The following NAP1L4 variants were observed in gnomAD, a reference collection of about 807,000 sequenced individuals.
The protein encoded by NAP1L4 is nucleosome assembly protein 1-like 4.
In NAP1L4, 15 loss-of-function variants were observed where a neutral mutation model predicts 58.2. That is an observed-to-expected ratio of 0.26 (90% CI 0.17 to 0.40). The LOEUF is 0.40. Ranked by LOEUF, NAP1L4 falls within the 10% of genes least tolerant of loss-of-function variation. NAP1L4 has a pLI of 1.00. For missense variants in NAP1L4, 384 were observed against 451.1 expected (o/e 0.85, Z 1.35); for synonymous variants, 171 against 155.6 (o/e 1.10, Z -0.74).
At chr11:2,978,142 G>A in intron 3 of NAP1L4, 142 bp downstream of exon 3, 2 of 701,790 alleles carry the variant, frequency 2.8e-6, no homozygotes, top group Non-Finnish European at 4.7e-6. Flanking sequence ...TTGTTAATGA[G>A]ATACTGATTT....
chr11:2,977,928 G>C (rs1325626264), intron 3 of NAP1L4, among the ~76,000 whole-genome samples: 1 of 151,054 alleles, frequency 6.6e-6, no homozygotes, highest in East Asian at 1.9e-4. Flanking sequence ...AACTACCTGG[G>C]AGGCTGCGGC....
Position 2,979,262 on chromosome 11 carries a change from A to G in NAP1L4, c.-17-25T>C, listed in dbSNP as rs187902976. The G allele has an allele frequency of 1.2e-4, 189 of 1,572,278 alleles. No homozygotes were observed. The African/African-American group carries it at 2.3e-3, about 19-fold the overall frequency. On this transcript the variant is annotated intron_variant, in intron 1 of 15. Transcript: ENST00000380542. Reference sequence around the variant, plus strand: ...CCTATAAATTAAAAAGAGTTGTAATAATTATATTCATAAGCAAAAATGTTT... The same window carrying G: ...CCTATAAATTAAAAAGAGTTGTAATGATTATATTCATAAGCAAAAATGTTT...
intron 1 of NAP1L4, among the ~76,000 whole-genome samples, chr11:2,980,256 TGGCTCACTGCA>T (rs1848226908): frequency 6.6e-6 from 1 of 152,202 alleles, no homozygotes; most frequent in Non-Finnish European, 1.5e-5. Context: ...GATGCAATCC[TGGCTCACTGCA>T]GCCTCAACTT....
intron 4 of NAP1L4, 21 bp from the exon 5 acceptor site, chr11:2,972,264 T>G: frequency 6.3e-7 from 1 of 1,584,258 alleles, no homozygotes; most frequent in Non-Finnish European, 8.5e-7. Context: ...GAGTAAGAAA[T>G]ACAACATCCT....
intron 1 of NAP1L4, among the ~76,000 whole-genome samples, chr11:2,981,316 A>G (rs1055862699): frequency 5.3e-5 from 8 of 150,910 alleles, no homozygotes; most frequent in Middle Eastern, 3.4e-3. Flanking sequence ...AGGCTGAGAC[A>G]GAAGCAACAC....
At position 2,947,497 on chromosome 11, in the gene NAP1L4, C is replaced by G. The variant is rs547168814; in HGVS notation, c.*32+1730G>C. 5.3e-5 allele frequency among the ~76,000 whole-genome samples: 8 copies of G among 152,296 alleles called. 1 individual carries two copies. Among genetic ancestry groups the G allele is most frequent in the African/African-American group, 1.9e-4 (8 of 41,554 alleles). On this transcript the variant is annotated intron_variant, in intron 15 of 15. Transcript: ENST00000380542. ...GGGAAGGAAGGCAGCATGTGGCCCACCCCTGCCAGGCTTTGGTGCTCACAC... is the reference window on the plus strand; with the variant it reads ...GGGAAGGAAGGCAGCATGTGGCCCAGCCCTGCCAGGCTTTGGTGCTCACAC...
At chr11:2,992,154 G>T in intron 1 of NAP1L4, 100 bp downstream of exon 1, 1 of 151,252 alleles carries the variant, frequency 6.6e-6, no homozygotes, top group Non-Finnish European at 1.5e-5. Context: ...AGAGATGGCC[G>T]CCGCCGCGCC....
Position 2,955,614 on chromosome 11 carries a change from A to T in NAP1L4, c.915+130T>A, listed in dbSNP as rs1846492567. 8 of 869,840 alleles carry T rather than the reference A, an allele frequency of 9.2e-6. No individual in the cohort carries two copies. The highest frequency in any genetic ancestry group is 3.6e-6 in the Non-Finnish European group (2 of 553,742). 53.9% of individuals were successfully genotyped at this position (869,840 alleles called of 1,614,324 possible). A position where few individuals can be genotyped will look rare whatever the true frequency, so the allele number is the denominator to read the frequency against. On this transcript the variant is annotated intron_variant, in intron 11 of 15. Coordinates refer to ENST00000380542, the MANE Select transcript of NAP1L4 (RefSeq NM_005969.4). This position sits in a 1 kb window ranked among gnomAD's most constrained non-coding sequence, Gnocchi z 4.2. ...CAGTCCTCCCACCTCAGCCTCCCAA[A>T]GCATTAAGATCACTGGCATACCCAG... is the stretch of plus-strand genomic sequence containing the variant.
In NAP1L4 at chr11:2,951,543, A is replaced by C. The variant is rs1286181108; in HGVS notation, c.1066-228T>G. Among the ~76,000 whole-genome samples the C allele has an allele frequency of 6.6e-6, 1 of 152,242 alleles. No individual in the cohort carries two copies. ...AATTCTGAAAAAGTAGATTTTGTTA[A>C]ATGATTATTTTCTAAGATACATTTT... On this transcript the variant is annotated intron_variant, in intron 13 of 15. Coordinates refer to ENST00000380542, the MANE Select transcript of NAP1L4 (RefSeq NM_005969.4). This position sits in a 1 kb window ranked among gnomAD's most constrained non-coding sequence, Gnocchi z 4.0.
At chr11:2,950,755 C>T (rs1236009210) in intron 14 of NAP1L4, among the ~76,000 whole-genome samples, 1 of 152,134 alleles carries the variant, frequency 6.6e-6, no homozygotes, top group African/African-American at 2.4e-5. Flanking sequence ...CTTTAGTAAA[C>T]CTTTCCAATT....
rs757286789 is a variant in NAP1L4 at position 2,951,768 on chromosome 11, C to A, written c.1065+12G>T. The A allele has an allele frequency of 4.3e-6, 7 of 1,613,768 alleles. No homozygotes were observed. In the East Asian group the frequency reaches 1.6e-4, roughly 36 times the overall value. On this transcript the variant is annotated intron_variant, in intron 13 of 15. Transcript: ENST00000380542. The surrounding 1 kb of genome is among the most constrained non-coding windows in gnomAD (Gnocchi z 4.0). ...AGGGAGGTAAGTGGCACTGCATAAA[C>A]CTGTCTCTTACCTCCTCTTCTCCTT... is the stretch of plus-strand genomic sequence containing the variant.
chr11:2,990,465 T>C (rs1197338927), intron 1 of NAP1L4: 1 of 152,244 alleles, frequency 6.6e-6, no homozygotes, highest in East Asian at 1.9e-4. Flanking sequence ...CATTAGCAAT[T>C]GCTCATCCCA....
chr11:2,953,290 T>C (rs934652457), intron 12 of NAP1L4, among the ~76,000 whole-genome samples: 3 of 152,258 alleles, frequency 2.0e-5, no homozygotes, highest in Non-Finnish European at 4.4e-5. Context: ...CACATGCATA[T>C]TCAAGTCCTT....
intron 1 of NAP1L4, among the ~76,000 whole-genome samples, chr11:2,981,445 A>AAAAAAAAAAC (rs1848305004): frequency 7.0e-6 from 1 of 142,282 alleles, no homozygotes. Context: ...AAAAAAAAAA[A>AAAAAAAAAAC]GGCAATAAAC....
intron 1 of NAP1L4, chr11:2,988,131 G>A (rs1248058244): frequency 6.6e-6 from 1 of 152,110 alleles, no homozygotes; most frequent in Non-Finnish European, 1.5e-5. Flanking sequence ...CAAGCCCTGG[G>A]GTTTCAAGAA....
chr11:2,947,966 C>T (rs1396033516), intron 15 of NAP1L4, among the ~76,000 whole-genome samples: 1 of 152,184 alleles, frequency 6.6e-6, no homozygotes, highest in Non-Finnish European at 1.5e-5. Context: ...TGCTGTTGCA[C>T]CCTGCCCTTC....
intron 6 of NAP1L4, among the ~76,000 whole-genome samples, chr11:2,970,797 A>G (rs895762495): frequency 2.6e-5 from 4 of 152,020 alleles, no homozygotes; most frequent in African/African-American, 9.7e-5. Context: ...CAGGTTCTAT[A>G]TATTTTTAAA....
chr11:2,970,571 G>A (rs1220867057), intron 6 of NAP1L4, among the ~76,000 whole-genome samples: 1 of 152,154 alleles, frequency 6.6e-6, no homozygotes, highest in African/African-American at 2.4e-5. Flanking sequence ...GCAAAAGGAA[G>A]GGGAGTCAGG....
rs1450347064 is a variant in NAP1L4, at chr11:2,951,205, A to T, written c.1122+54T>A. 8.6e-6 allele frequency: 12 copies of T among 1,396,126 alleles called. No individual in the cohort carries two copies. The highest frequency in any genetic ancestry group is 1.4e-5 in the African/African-American group (1 of 70,052). 86.5% of individuals were successfully genotyped at this position (1,396,126 alleles called of 1,614,324 possible). A position where few individuals can be genotyped will look rare whatever the true frequency, so the allele number is the denominator to read the frequency against. ...GCCTCAAAGTGGGGAACATTTTTAA[A>T]AGTCTAAGAGTGCAGCATAATAAGT... On this transcript the variant is annotated intron_variant, in intron 14 of 15. Transcript: ENST00000380542. The surrounding 1 kb of genome is among the most constrained non-coding windows in gnomAD (Gnocchi z 4.0).
Sources: gnomAD v4.1 joint callset for allele counts (sites outside exome capture counted in the v4.1 genomes callset) on GRCh38, gnomAD v4.1.1 for gene constraint, Gnocchi (gnomAD v3.1) non-coding constraint, MANE v1.5 for transcripts, NCBI Gene and HGNC (gene_info 2026-07-23, HGNC 2026-07-21) for gene names.